FMO1: variants seen among roughly 807,000 people sequenced by gnomAD.
FMO1 encodes the protein flavin containing dimethylaniline monoxygenase 1.
In FMO1, 36 loss-of-function variants were observed where a neutral mutation model predicts 45.4. That is an observed-to-expected ratio of 0.79 (90% CI 0.61 to 1.05). FMO1 has a LOEUF of 1.05. Ranked by LOEUF, FMO1 falls within the 50% of genes least tolerant of loss-of-function variation. FMO1 has a pLI of 0.00. For missense variants in FMO1, 615 were observed against 640.3 expected (o/e 0.96, Z 0.43); for synonymous variants, 228 against 227.2 (o/e 1.00, Z -0.03).
intron 2 of FMO1, among the ~76,000 whole-genome samples, chr1:171,266,437 T>C (rs1016004801): frequency 1.3e-5 from 2 of 152,224 alleles, no homozygotes; most frequent in African/African-American, 4.8e-5. Context: ...ATTTAAATAG[T>C]CATCTTTCGC....
At position 171,285,542 on chromosome 1, in the gene FMO1, T is replaced by A; in HGVS notation, c.1597T>A (p.Ter533LysextTer12). The A allele has an allele frequency of 6.7e-7, 1 of 1,493,238 alleles. No homozygotes were observed. The highest frequency in any genetic ancestry group is 9.0e-7 in the Non-Finnish European group (1 of 1,115,316). 92.5% of individuals were successfully genotyped at this position (1,493,238 alleles called of 1,614,324 possible). Reference protein sequence around the residue: ...LLVAIFLIFL* With the variant: ...LLVAIFLIFLK ...TGTGGCTATTTTTCTGATTTTCCTA[T>A]AAGTAAAAGATCTCCTAAATGGAAG... The change falls in exon 9 of 9, where the codon TAA becomes AAA. Residue 533 changes from the stop codon to lysine (K), a stop_lost. Coordinates refer to ENST00000617670, the MANE Select transcript of FMO1 (RefSeq NM_001282693.2).
intron 2 of FMO1, among the ~76,000 whole-genome samples, chr1:171,262,255 C>T (rs549359262): frequency 8.6e-5 from 13 of 151,874 alleles, no homozygotes; most frequent in African/African-American, 1.5e-4. Context: ...GTCAACATGA[C>T]GAAACCCCAT....
intron 1 of FMO1, 171 bp from the exon 2 acceptor site, chr1:171,257,911 C>T: frequency 2.9e-6 from 2 of 683,434 alleles, no homozygotes; most frequent in Admixed American, 4.8e-5. Flanking sequence ...ACAGGGTTAA[C>T]CAGTGACCTG....
chr1:171,263,250 T>C (rs1426937466), intron 2 of FMO1, among the ~76,000 whole-genome samples: 1 of 152,234 alleles, frequency 6.6e-6, no homozygotes, highest in African/African-American at 2.4e-5. Flanking sequence ...ATTGCTTCAT[T>C]GTTCCATTAG....
At position 171,280,958 on chromosome 1, in the gene FMO1, C is replaced by A. The variant is rs1661331020; in HGVS notation, c.800C>A (p.Ala267Glu). The change falls in exon 6 of 9, where the codon GCA (alanine) becomes GAA (glutamate). Residue 267 changes from alanine (A) to glutamate (E), a missense_variant. By Grantham distance (107) the Ala-to-Glu change is moderately radical (BLOSUM62 -1). Transcript: ENST00000617670. ...AAGATAAACAACTGGCTCAATCATG[C>A]AAATTACGGCTTAATACCAGAAGAC... is the stretch of plus-strand genomic sequence containing the variant. ...ERKINNWLNH[A>E]NYGLIPEDRT... The A allele has an allele frequency of 6.2e-7, 1 of 1,613,646 alleles. No homozygotes were observed. The highest frequency in any genetic ancestry group is 1.3e-5 in the African/African-American group (1 of 74,876).
At chr1:171,268,364 C>T (rs1451577099) in intron 3 of FMO1, among the ~76,000 whole-genome samples, 1 of 152,210 alleles carries the variant, frequency 6.6e-6, no homozygotes, top group African/African-American at 2.4e-5. Context: ...GGATTACAGG[C>T]ATGAGCCACT....
chr1:171,271,283 A>T, intron 3 of FMO1: 1 of 1,248,458 alleles, frequency 8.0e-7, no homozygotes, highest in African/African-American at 1.5e-5. Context: ...CAGAACAGGA[A>T]AAAGGCTGAA....
intron 8 of FMO1, 49 bp downstream of exon 8, chr1:171,283,265 TAAAAAAAAAAAAAAAAAAAAAAAA>T: frequency 1.4e-5 from 1 of 73,594 alleles, no homozygotes; most frequent in South Asian, 6.8e-4. Flanking sequence ...CTGAAATTGG[TAAAAAAAAAAAAAAAAAAAAAAAA>T]AAAAAAAAGG....
At position 171,281,967 on chromosome 1, in the gene FMO1, T is replaced by C. The variant is rs376072428; in HGVS notation, c.828-11T>C. 2.7e-5 allele frequency: 42 copies of C among 1,554,544 alleles called. No homozygotes were observed. In the African/African-American group the frequency reaches 5.3e-4, roughly 20 times the overall value. On this transcript the variant is annotated splice_polypyrimidine_tract_variant and intron_variant, in intron 6 of 8. Transcript: ENST00000617670. ...CTGACAAGTCTCCTCCCTGTTCATG[T>C]TTTTGTTTAGGACTCAGCTGAAAGA...
intron 2 of FMO1, among the ~76,000 whole-genome samples, chr1:171,263,787 C>G (rs1470290088): frequency 1.3e-5 from 2 of 152,124 alleles, no homozygotes; most frequent in African/African-American, 4.8e-5. Context: ...AGAGTGTCTG[C>G]AGCACGGGTG....
chr1:171,269,456 A>G (rs919722280), intron 3 of FMO1, among the ~76,000 whole-genome samples: 2 of 152,180 alleles, frequency 1.3e-5, no homozygotes, highest in African/African-American at 4.8e-5. Context: ...TTTGTTTTAA[A>G]AAAAACCTCT....
chr1:171,284,602 G>A (rs557356969), intron 8 of FMO1, among the ~76,000 whole-genome samples: 1 of 152,058 alleles, frequency 6.6e-6, no homozygotes, highest in African/African-American at 2.4e-5. Context: ...TTTAGGCATG[G>A]TGGCTCATGC....
Position 171,278,744 on chromosome 1 carries a change from A to G in FMO1, c.500A>G (p.Lys167Arg). The change falls in exon 5 of 9, where the codon AAA (lysine) becomes AGA (arginine). Residue 167 changes from lysine to arginine, a missense_variant. Transcript: ENST00000617670. ...LDSFPGINAF[K>R]GQYFHSRQYK... is the part of the protein sequence containing the mutation. Reference sequence around the variant, plus strand: ...TTTTCTATAGGTATTAATGCCTTTAAAGGCCAGTACTTTCATAGCCGGCAA... The same window carrying G: ...TTTTCTATAGGTATTAATGCCTTTAGAGGCCAGTACTTTCATAGCCGGCAA... 1 of 1,607,660 alleles carries G rather than the reference A, an allele frequency of 6.2e-7. No homozygotes were observed.
Position 171,268,188 on chromosome 1 carries a change from G to A in FMO1, c.321+457G>A, listed in dbSNP as rs1230036377. On this transcript the variant is annotated intron_variant, in intron 3 of 8. Coordinates refer to ENST00000617670, the MANE Select transcript of FMO1 (RefSeq NM_001282693.2). ...TGCAGCCTGGACTTCCTAAGCTCAG[G>A]TGATTCTCCCACCTCAGCCTCCCAA... Among the ~76,000 whole-genome samples the A allele has an allele frequency of 3.9e-5, 6 of 152,284 alleles. No homozygotes were observed. In the South Asian group the frequency reaches 1.0e-3, roughly 26 times the overall value.
At chr1:171,273,717 A>G (rs1249916206) in intron 3 of FMO1, among the ~76,000 whole-genome samples, 1 of 152,126 alleles carries the variant, frequency 6.6e-6, no homozygotes, top group Non-Finnish European at 1.5e-5. Flanking sequence ...AGGTCTCACT[A>G]TGCCGCCCAG....
At chr1:171,265,370 G>A (rs1435713675) in intron 2 of FMO1, among the ~76,000 whole-genome samples, 1 of 149,870 alleles carries the variant, frequency 6.7e-6, no homozygotes, top group Non-Finnish European at 1.5e-5. Flanking sequence ...TAGCCTGGGC[G>A]ACAGAGCGAG....
chr1:171,264,598 G>T (rs1257456892), intron 2 of FMO1, among the ~76,000 whole-genome samples: 1 of 151,966 alleles, frequency 6.6e-6, no homozygotes, highest in African/African-American at 2.4e-5. Flanking sequence ...TCTTATAAAT[G>T]CACAATCTCG....
At chr1:171,265,826 TG>T (rs1558008902) in intron 2 of FMO1, among the ~76,000 whole-genome samples, 1 of 152,228 alleles carries the variant, frequency 6.6e-6, no homozygotes, top group Non-Finnish European at 1.5e-5. Flanking sequence ...GGGGATAATG[TG>T]TATCTAAACT....
At chr1:171,255,742 A>G (rs1266880839) in intron 1 of FMO1, among the ~76,000 whole-genome samples, 1 of 152,020 alleles carries the variant, frequency 6.6e-6, no homozygotes, top group Non-Finnish European at 1.5e-5. Flanking sequence ...ATCCCAGCTC[A>G]TGGAAATGGC....
Sources: gnomAD v4.1 joint callset for allele counts (sites outside exome capture counted in the v4.1 genomes callset) on GRCh38, gnomAD v4.1.1 for gene constraint, MANE v1.5 for transcripts, NCBI Gene and HGNC (gene_info 2026-07-23, HGNC 2026-07-21) for gene names.